Variants in GTF2H5 observed in about 807,000 individuals in gnomAD.
GTF2H5 encodes TFB5 ortholog.
GTF2H5 carries 5 observed loss-of-function variants against 7.1 expected under a neutral mutation model. The observed-to-expected ratio is 0.71, with a 90% confidence interval of 0.37 to 1.49. The LOEUF is 1.49. Among genes scored for constraint, GTF2H5 ranks in the 40% most tolerant of loss-of-function variants. The pLI, the probability that GTF2H5 is intolerant of heterozygous loss-of-function variation, is 0.03. For synonymous variants in GTF2H5, 30 were observed against 31.7 expected, an observed-to-expected ratio of 0.95 and a Z score of 0.18; for missense variants, 80 against 83.0, an observed-to-expected ratio of 0.96 and a Z score of 0.14.
chr6:158,186,108 T>G (rs1776917920), intron 2 of GTF2H5, among the ~76,000 whole-genome samples: 1 of 152,248 alleles, frequency 6.6e-6, no homozygotes, highest in Non-Finnish European at 1.5e-5. Context: ...CGTTAGTTGA[T>G]TTAAAGGCAA....
intron 2 of GTF2H5, among the ~76,000 whole-genome samples, chr6:158,181,040 T>TA (rs767602715): frequency 1.3e-5 from 2 of 152,172 alleles, no homozygotes; most frequent in Non-Finnish European, 2.9e-5. Context: ...CACACTGCTT[T>TA]AAATATGTAC....
At position 158,194,309 on chromosome 6, in the gene GTF2H5, A is replaced by G. The variant is rs1291389967; in HGVS notation, c.*2152A>G. 4.6e-5 allele frequency: 7 copies of G among 152,336 alleles called. No individual in the cohort carries two copies. In the East Asian group the frequency reaches 1.3e-3, roughly 29 times the overall value. 9.4% of individuals were successfully genotyped at this position (152,336 alleles called of 1,614,324 possible). A position where few individuals can be genotyped will look rare whatever the true frequency, so the allele number is the denominator to read the frequency against. Reference sequence around the variant, plus strand: ...AAAGTCCTTTATTTAGCTGGCAGCCAAGAGGTGGCTCACACTTGGAATTCT... The same window carrying G: ...AAAGTCCTTTATTTAGCTGGCAGCCGAGAGGTGGCTCACACTTGGAATTCT... On this transcript the variant is annotated 3_prime_UTR_variant, in exon 3 of 3. Coordinates refer to ENST00000607778, the MANE Select transcript of GTF2H5 (RefSeq NM_207118.3).
intron 1 of GTF2H5, among the ~76,000 whole-genome samples, chr6:158,169,445 ATTATATATT>A (rs1785734210): frequency 1.5e-5 from 1 of 68,604 alleles, no homozygotes; most frequent in African/African-American, 6.3e-5. Context: ...TATTATATAT[ATTATATATT>A]ATATATATTA....
chr6:158,190,598 T>G (rs951724947), intron 2 of GTF2H5: 7 of 452,454 alleles, frequency 1.5e-5, no homozygotes, highest in South Asian at 1.2e-4. Flanking sequence ...CCCAAATCAG[T>G]TCTGAGGCTC....
chr6:158,173,139 A>G (rs1299481330), intron 2 of GTF2H5, among the ~76,000 whole-genome samples: 1 of 152,216 alleles, frequency 6.6e-6, no homozygotes, highest in African/African-American at 2.4e-5. Flanking sequence ...TTGAGAAGCA[A>G]TAATACTGTT....
intron 2 of GTF2H5, among the ~76,000 whole-genome samples, chr6:158,182,315 C>G (rs181786208): frequency 1.3e-5 from 2 of 152,238 alleles, no homozygotes; most frequent in Non-Finnish European, 2.9e-5. Flanking sequence ...ACATTTTTTC[C>G]TTCATTTCAA....
Position 158,197,982 on chromosome 6 carries a change from AATTAT to A in GTF2H5, c.*5829_*5833del, listed in dbSNP as rs1777138527. On this transcript the variant is annotated 3_prime_UTR_variant, in exon 3 of 3. Transcript: ENST00000607778. Reference sequence around the variant, plus strand: ...GGAGCTTATGTTGAGAAATAAAAGAAATTATATTTTATTTTTATCTTTTAATTCTA... The same window carrying A: ...GGAGCTTATGTTGAGAAATAAAAGAAATTTTATTTTTATCTTTTAATTCTA... 1 of 152,202 alleles carries A rather than the reference AATTAT, an allele frequency of 6.6e-6. No individual in the cohort carries two copies. The highest frequency in any genetic ancestry group is 2.4e-5 in the African/African-American group (1 of 41,456). The allele number at this position is 152,202 out of a possible 1,614,324, so 9.4% of individuals were successfully genotyped here.
At chr6:158,185,785 G>A (rs1438988008) in intron 2 of GTF2H5, among the ~76,000 whole-genome samples, 1 of 151,972 alleles carries the variant, frequency 6.6e-6, no homozygotes, top group African/African-American at 2.4e-5. Context: ...AGGCGGGTGG[G>A]TTGCTTGAGT....
At chr6:158,191,927 G>A in intron 2 of GTF2H5, 50 bp from the exon 3 acceptor site, 1 of 1,402,636 alleles carries the variant, frequency 7.1e-7, no homozygotes. Flanking sequence ...AAGTCTCTGT[G>A]ATGTGATTTG....
intron 2 of GTF2H5, chr6:158,191,089 A>C: frequency 5.8e-6 from 2 of 345,354 alleles, no homozygotes; most frequent in Non-Finnish European, 1.1e-5. Flanking sequence ...TAATTTCCGT[A>C]AACAATTCTG....
rs183348063 is a variant in GTF2H5 at position 158,171,308 on chromosome 6, A to G, written c.35+770A>G. On this transcript the variant is annotated intron_variant, in intron 2 of 2. Transcript: ENST00000607778. ...CTATGCAAAACACTATGCTTTGAAC[A>G]CATACTAAGTCTTCAAAAAAATCTT... Among the ~76,000 whole-genome samples, 4 of 152,358 alleles carry G rather than the reference A, an allele frequency of 2.6e-5. No homozygotes were observed. In the East Asian group the frequency reaches 5.8e-4, roughly 22 times the overall value.
chr6:158,169,610 T>C (rs1785770827), intron 1 of GTF2H5, among the ~76,000 whole-genome samples: 1 of 88,120 alleles, frequency 1.1e-5, no homozygotes, highest in African/African-American at 5.3e-5. Context: ...ACATATATTG[T>C]ATATTACATA....
Position 158,169,448 on chromosome 6 carries a change from A to ATATTG in GTF2H5, c.-34-1019_-34-1018insTGTAT, listed in dbSNP as rs1335942926. Among the ~76,000 whole-genome samples the ATATTG allele has an allele frequency of 4.2e-3, 281 of 66,822 alleles. 14 individuals carry two copies. The highest frequency in any genetic ancestry group is 0.019 in the African/African-American group (241 of 12,700). The allele number at this position is 66,822 out of a possible 152,430, so 43.8% of individuals were successfully genotyped here. ...TAATATATTGTATATTATATATATT[A>ATATTG]TATATTATATATATTATATTGTATA... On this transcript the variant is annotated intron_variant, in intron 1 of 2. Coordinates refer to ENST00000607778, the MANE Select transcript of GTF2H5 (RefSeq NM_207118.3).
Position 158,194,678 on chromosome 6 carries a change from G to A in GTF2H5, c.*2521G>A, listed in dbSNP as rs1027889743. 1 of 152,148 alleles carries A rather than the reference G, an allele frequency of 6.6e-6. No homozygotes were observed. The highest frequency in any genetic ancestry group is 6.6e-5 in the Admixed American group (1 of 15,264). The allele number at this position is 152,148 out of a possible 1,614,324, so 9.4% of individuals were successfully genotyped here. The stretch of plus-strand genomic sequence containing the variant: ...GTTAACTCCTTGAGGAAAGGGGGTG[G>A]GTAAGGAGTCCTTGATGTCCTGTAA... On this transcript the variant is annotated 3_prime_UTR_variant, in exon 3 of 3. Transcript: ENST00000607778.
intron 2 of GTF2H5, among the ~76,000 whole-genome samples, chr6:158,183,852 A>C (rs1562474169): frequency 6.6e-6 from 1 of 152,200 alleles, no homozygotes; most frequent in Non-Finnish European, 1.5e-5. Flanking sequence ...GACCCCTTGC[A>C]CTTCCTGGGT....
intron 2 of GTF2H5, among the ~76,000 whole-genome samples, chr6:158,175,061 CAT>C (rs1203369250): frequency 0.011 from 1,116 of 97,456 alleles, 8 homozygotes; most frequent in Non-Finnish European, 0.016. Context: ...CACACACACA[CAT>C]ACACATATAT....
At chr6:158,173,194 G>T (rs1785881008) in intron 2 of GTF2H5, among the ~76,000 whole-genome samples, 1 of 152,154 alleles carries the variant, frequency 6.6e-6, no homozygotes, top group Non-Finnish European at 1.5e-5. Flanking sequence ...GAAGTGTTTT[G>T]CACCAGGACT....
intron 1 of GTF2H5, among the ~76,000 whole-genome samples, chr6:158,169,630 GTATATTACA>G (rs1785773746): frequency 4.1e-5 from 3 of 73,216 alleles, no homozygotes; most frequent in African/African-American, 2.1e-4. Flanking sequence ...ATAATATATT[GTATATTACA>G]TATATTGTAT....
Position 158,197,179 on chromosome 6 carries a change from T to A in GTF2H5, c.*5022T>A. ...GATTTTGAAAGGACTGAGATCATTTTGGGAGAGATCATCTTCAGAAAATGA... is the reference window on the plus strand; with the variant it reads ...GATTTTGAAAGGACTGAGATCATTTAGGGAGAGATCATCTTCAGAAAATGA... On this transcript the variant is annotated 3_prime_UTR_variant, in exon 3 of 3. Transcript: ENST00000607778. 6.4e-6 allele frequency: 1 copy of A among 157,184 alleles called. No homozygotes were observed. 9.7% of individuals were successfully genotyped at this position (157,184 alleles called of 1,614,324 possible).
Sources: gnomAD v4.1 joint callset for allele counts (sites outside exome capture counted in the v4.1 genomes callset) on GRCh38, gnomAD v4.1.1 for gene constraint, MANE v1.5 for transcripts, NCBI Gene and HGNC (gene_info 2026-07-23, HGNC 2026-07-21) for gene names.